The following CFAP99 variants were observed in gnomAD, a reference collection of about 807,000 sequenced individuals.
The protein encoded by CFAP99 is cilia and flagella associated protein 99.
Under a neutral mutation model 82.7 loss-of-function variants are expected in CFAP99, and 84 were observed. That is an observed-to-expected ratio of 1.02 (90% confidence interval 0.85 to 1.22). The LOEUF is 1.22. Ranked by LOEUF, CFAP99 falls within the 50% of genes most tolerant of loss-of-function variation. The pLI is 0.00. For missense variants in CFAP99, 1,059 were observed against 983.5 expected (o/e 1.08, Z -1.03); for synonymous variants, 456 against 429.5 (o/e 1.06, Z -0.76).
intron 2 of CFAP99, among the ~76,000 whole-genome samples, chr4:2,434,870 G>A (rs1208985412): frequency 6.6e-6 from 1 of 152,234 alleles, no homozygotes; most frequent in Non-Finnish European, 1.5e-5. Context: ...AGAAGGGCGT[G>A]GGAATGGCCC....
At chr4:2,434,439 C>T (rs957702653) in intron 2 of CFAP99, among the ~76,000 whole-genome samples, 1 of 152,208 alleles carries the variant, frequency 6.6e-6, no homozygotes. Context: ...AAGGACTGTC[C>T]CCGGGAGAAT....
At chr4:2,431,539 A>C (rs560579150) in intron 2 of CFAP99, among the ~76,000 whole-genome samples, 7 of 152,146 alleles carry the variant, frequency 4.6e-5, no homozygotes, top group African/African-American at 1.7e-4. Flanking sequence ...CCCAAGGTCA[A>C]GTCCAAGAAG....
chr4:2,429,596 T>TC (rs1361980989), intron 2 of CFAP99, among the ~76,000 whole-genome samples: 6 of 18,522 alleles, frequency 3.2e-4, no homozygotes, highest in Non-Finnish European at 5.7e-4. Flanking sequence ...TTTCTTTCTT[T>TC]TTTTTTTTTT....
At chr4:2,458,691 C>G (rs1364747426) in intron 11 of CFAP99, 32 bp from the exon 12 acceptor site, 1 of 1,519,342 alleles carries the variant, frequency 6.6e-7, no homozygotes. Flanking sequence ...GGAGCAGCCC[C>G]ACTCACCGTG....
At chr4:2,442,192 C>T (rs1290010862) in intron 4 of CFAP99, among the ~76,000 whole-genome samples, 1 of 152,104 alleles carries the variant, frequency 6.6e-6, no homozygotes, top group African/African-American at 2.4e-5. Flanking sequence ...GGGACCAGTG[C>T]TGAGTCTGTC....
At position 2,435,833 on chromosome 4, in the gene CFAP99, A is replaced by G. The variant is rs3021135; in HGVS notation, c.112-1041A>G. ...CAGCTACTCAGGAGGCCGAGGTGGG[A>G]AGCAGCTACTCAGGAGGCCGAGGTG... On this transcript the variant is annotated intron_variant, in intron 2 of 14. Transcript: ENST00000635017. Among the ~76,000 whole-genome samples, 764 of 121,882 alleles carry G rather than the reference A, an allele frequency of 6.3e-3. 1 individual carries two copies. The highest frequency in any genetic ancestry group is 0.014 in the Middle Eastern group (3 of 216). 80.0% of individuals were successfully genotyped at this position (121,882 alleles called of 152,430 possible).
chr4:2,429,585 C>A lies in CFAP99; in HGVS notation c.111+2999C>A, dbSNP rs1046262831. ...GAGGCACTGGTTTTTCAGATCTTTT[C>A]TTTCTTTCTTTTTTTTTTTTTTTTG... On this transcript the variant is annotated intron_variant, in intron 2 of 14. Transcript: ENST00000635017. Among the ~76,000 whole-genome samples the A allele has an allele frequency of 3.5e-5, 4 of 115,938 alleles. No individual in the cohort carries two copies. The South Asian group carries it at 7.9e-4, about 23-fold the overall frequency. 76.1% of individuals were successfully genotyped at this position (115,938 alleles called of 152,430 possible). A position where few individuals can be genotyped will look rare whatever the true frequency, so the allele number is the denominator to read the frequency against.
chr4:2,461,573 G>A (rs926043850), intron 14 of CFAP99, among the ~76,000 whole-genome samples: 18 of 152,174 alleles, frequency 1.2e-4, no homozygotes, highest in Admixed American at 3.9e-4. Flanking sequence ...TGCTGGCCAC[G>A]GCCTGGCAGA....
At chr4:2,440,897 A>T (rs529597036) in intron 4 of CFAP99, among the ~76,000 whole-genome samples, 11 of 151,558 alleles carry the variant, frequency 7.3e-5, no homozygotes, top group Admixed American at 5.9e-4. Flanking sequence ...CCCGGCCAAA[A>T]TTTTTTTTAA....
intron 3 of CFAP99, among the ~76,000 whole-genome samples, chr4:2,437,502 G>A (rs1006388334): frequency 2.8e-4 from 43 of 152,200 alleles, no homozygotes; most frequent in Non-Finnish European, 8.8e-5. Context: ...GGAGATCAGG[G>A]CAGCCCTGAG....
At position 2,446,434 on chromosome 4, in the gene CFAP99, C is replaced by A. The variant is rs1392511804; in HGVS notation, c.642+1126C>A. 6.6e-6 allele frequency among the ~76,000 whole-genome samples: 1 copy of A among 151,618 alleles called. No individual in the cohort carries two copies. The highest frequency in any genetic ancestry group is 1.5e-5 in the Non-Finnish European group (1 of 67,960). ...TTGAGACAGAGTCTCGCTCTGTCAC[C>A]CAGGCTGGAGTGCAGTGGCACGATC... On this transcript the variant is annotated intron_variant, in intron 6 of 14. Transcript: ENST00000635017. The surrounding 1 kb of genome is among the most constrained non-coding windows in gnomAD (Gnocchi z 5.0).
intron 1 of CFAP99, among the ~76,000 whole-genome samples, chr4:2,424,974 C>T (rs943221694): frequency 6.6e-6 from 1 of 152,208 alleles, no homozygotes; most frequent in Non-Finnish European, 1.5e-5. Flanking sequence ...GGGGTTTGGA[C>T]CTTCAGGAAT....
Position 2,419,489 on chromosome 4 carries a change from G to C in CFAP99, c.-18+396G>C, listed in dbSNP as rs80277541. 5.0e-4 allele frequency among the ~76,000 whole-genome samples: 76 copies of C among 152,246 alleles called. 2 individuals are homozygous for C. The highest frequency in any genetic ancestry group is 2.9e-3 in the Admixed American group (44 of 15,288). ...GCTGTGGGGGTTGCATCCAGATCAC[G>C]GCGGATCTGGGTCGGCCTGACCCCA... On this transcript the variant is annotated intron_variant, in intron 1 of 14. Transcript: ENST00000635017.
chr4:2,444,104 C>A (rs1360513263), intron 5 of CFAP99, among the ~76,000 whole-genome samples: 5 of 152,134 alleles, frequency 3.3e-5, no homozygotes, highest in African/African-American at 1.2e-4. Flanking sequence ...GTTCCTTTAC[C>A]AAGGGGAAGT....
chr4:2,439,152 T>A (rs1313255289), intron 4 of CFAP99, among the ~76,000 whole-genome samples: 1 of 152,234 alleles, frequency 6.6e-6, no homozygotes, highest in African/African-American at 2.4e-5. Context: ...TGGTGCTTGT[T>A]CTTGCTCCAT....
At chr4:2,451,989 CG>C in intron 10 of CFAP99, among the ~76,000 whole-genome samples, 152 bp from the exon 11 acceptor site, 1 of 151,770 alleles carries the variant, frequency 6.6e-6, no homozygotes, top group South Asian at 2.1e-4. Context: ...GACAGTGGGT[CG>C]GGGATAGGAG....
Position 2,450,929 on chromosome 4 carries a change from C to G in CFAP99, c.796-18C>G, listed in dbSNP as rs1734284447. 2 of 1,535,188 alleles carry G rather than the reference C, an allele frequency of 1.3e-6. No homozygotes were observed. The highest frequency in any genetic ancestry group is 2.0e-5 in the Admixed American group (1 of 50,978). ...AGGCACAGGTGCCAGGCGGCCAGCT[C>G]TGCCCTGACTCCTGCAGGGCTCCAA... On this transcript the variant is annotated intron_variant, in intron 8 of 14. Transcript: ENST00000635017.
At chr4:2,434,756 A>G (rs1185712449) in intron 2 of CFAP99, among the ~76,000 whole-genome samples, 2 of 152,194 alleles carry the variant, frequency 1.3e-5, no homozygotes, top group African/African-American at 4.8e-5. Context: ...CCATAAGTGT[A>G]TATCTTGTTA....
chr4:2,423,966 C>T (rs1020667255), intron 1 of CFAP99, among the ~76,000 whole-genome samples: 3 of 152,240 alleles, frequency 2.0e-5, no homozygotes, highest in Non-Finnish European at 4.4e-5. Context: ...GGCTCATGCT[C>T]GCTTTGTTCT....
Sources: gnomAD v4.1 joint callset for allele counts (sites outside exome capture counted in the v4.1 genomes callset) on GRCh38, gnomAD v4.1.1 for gene constraint, Gnocchi (gnomAD v3.1) non-coding constraint, MANE v1.5 for transcripts, NCBI Gene and HGNC (gene_info 2026-07-23, HGNC 2026-07-21) for gene names.